Variants in PLPPR1 observed in about 807,000 individuals in gnomAD.
PLPPR1 encodes the protein phospholipid phosphatase related 1, also known as phospholipid phosphatase-related protein type 1.
Under a neutral mutation model 33.1 loss-of-function variants are expected in PLPPR1, and 10 were observed. That is an observed-to-expected ratio of 0.30 (90% CI 0.19 to 0.51). The LOEUF is 0.51. PLPPR1 is among the 20% of genes least tolerant of loss of function. The pLI is 0.97. For synonymous variants in PLPPR1, 151 were observed against 151.0 expected, an observed-to-expected ratio of 1.00 and a Z score of 0.00; for missense variants, 304 against 408.1, an observed-to-expected ratio of 0.74 and a Z score of 2.20.
intron 4 of PLPPR1, among the ~76,000 whole-genome samples, chr9:101,303,906 T>C (rs1004496917): frequency 9.8e-5 from 15 of 152,352 alleles, no homozygotes; most frequent in African/African-American, 3.4e-4. Flanking sequence ...TTCTAAGATA[T>C]GCATGTTTCA....
chr9:101,048,105 A>G (rs905071234), intron 1 of PLPPR1, among the ~76,000 whole-genome samples: 1 of 152,154 alleles, frequency 6.6e-6, no homozygotes, highest in African/African-American at 2.4e-5. Context: ...CATGTGCCAC[A>G]CTCAGGTACC....
Position 101,176,179 on chromosome 9 carries a change from C to A in PLPPR1, c.-45-9271C>A, listed in dbSNP as rs562424048. ...CAACTTTTAGATAATAACCTCTTGA[C>A]CCTAGTCAAACACCACAGAAAAAAC... On this transcript the variant is annotated intron_variant, in intron 1 of 7. Coordinates refer to ENST00000374874, the MANE Select transcript of PLPPR1 (RefSeq NM_207299.2). 4.8e-4 allele frequency among the ~76,000 whole-genome samples: 73 copies of A among 152,244 alleles called. 1 individual carries two copies. The highest frequency in any genetic ancestry group is 8.7e-4 in the Non-Finnish European group (59 of 68,012).
chr9:101,294,771 T>C (rs1389809711), intron 4 of PLPPR1, among the ~76,000 whole-genome samples: 10 of 152,060 alleles, frequency 6.6e-5, no homozygotes, highest in African/African-American at 9.7e-5. Flanking sequence ...CTAAAAACTC[T>C]CAATAAATTA....
chr9:101,242,904 A>G (rs1014540682), intron 2 of PLPPR1, among the ~76,000 whole-genome samples: 1 of 152,086 alleles, frequency 6.6e-6, no homozygotes, highest in African/African-American at 2.4e-5. Flanking sequence ...GTTCTCTGTC[A>G]TGTGCTATAA....
At chr9:101,240,029 G>A (rs1022467503) in intron 2 of PLPPR1, among the ~76,000 whole-genome samples, 14 of 151,950 alleles carry the variant, frequency 9.2e-5, no homozygotes, top group Non-Finnish European at 1.8e-4. Context: ...ATAGTTTCAG[G>A]TCTTACATTT....
At chr9:101,303,874 T>C (rs1828797924) in intron 4 of PLPPR1, among the ~76,000 whole-genome samples, 1 of 152,316 alleles carries the variant, frequency 6.6e-6, no homozygotes, top group African/African-American at 2.4e-5. Context: ...TTGTAATTTC[T>C]CAGAATCAGA....
chr9:101,276,387 C>T (rs1828197099), intron 3 of PLPPR1, among the ~76,000 whole-genome samples: 1 of 151,990 alleles, frequency 6.6e-6, no homozygotes, highest in Non-Finnish European at 1.5e-5. Context: ...CTGCAGATGA[C>T]TGCTCCAAAT....
intron 2 of PLPPR1, among the ~76,000 whole-genome samples, chr9:101,199,195 A>T (rs2118744081): frequency 6.6e-6 from 1 of 152,308 alleles, no homozygotes; most frequent in Non-Finnish European, 1.5e-5. Context: ...TAAAAATGTG[A>T]AAGGAACTCA....
At chr9:101,044,425 C>T (rs2118427854) in intron 1 of PLPPR1, among the ~76,000 whole-genome samples, 1 of 152,212 alleles carries the variant, frequency 6.6e-6, no homozygotes, top group Non-Finnish European at 1.5e-5. Flanking sequence ...GTCAAAAGTT[C>T]TGATTGTAAG....
At chr9:101,052,986 C>T (rs183756063) in intron 1 of PLPPR1, among the ~76,000 whole-genome samples, 2 of 152,270 alleles carry the variant, frequency 1.3e-5, no homozygotes, top group Admixed American at 6.5e-5. Flanking sequence ...AGTCTTTGAT[C>T]AGTCAGGTGA....
chr9:101,146,694 C>G (rs1175255046), intron 1 of PLPPR1, among the ~76,000 whole-genome samples: 1 of 152,206 alleles, frequency 6.6e-6, no homozygotes, highest in Non-Finnish European at 1.5e-5. Flanking sequence ...AAAATGTTCT[C>G]TGCCTCTAAT....
At chr9:101,129,097 C>T (rs7026834) in intron 1 of PLPPR1, among the ~76,000 whole-genome samples, 71,259 of 151,778 alleles carry the variant, frequency 0.47, 17,177 homozygotes, top group Non-Finnish European at 0.53. Flanking sequence ...GATTTTGAAC[C>T]ATATAGGGTA....
chr9:101,152,021 A>T (rs1831594741), intron 1 of PLPPR1, among the ~76,000 whole-genome samples: 1 of 152,206 alleles, frequency 6.6e-6, no homozygotes, highest in East Asian at 1.9e-4. Flanking sequence ...CCAACAGTGT[A>T]AAAGTGTTCC....
chr9:101,316,763 T>C (rs1564036952), intron 6 of PLPPR1, among the ~76,000 whole-genome samples: 1 of 152,048 alleles, frequency 6.6e-6, no homozygotes, highest in Admixed American at 6.5e-5. Context: ...CTCAAGCAAA[T>C]AGTCATAATC....
At chr9:101,271,763 G>T (rs908592893) in intron 3 of PLPPR1, among the ~76,000 whole-genome samples, 5 of 152,130 alleles carry the variant, frequency 3.3e-5, no homozygotes, top group African/African-American at 9.7e-5. Flanking sequence ...ATTCAGACAG[G>T]CATCCCTGAG....
intron 1 of PLPPR1, among the ~76,000 whole-genome samples, chr9:101,036,767 A>G (rs947321259): frequency 5.9e-5 from 9 of 152,024 alleles, no homozygotes; most frequent in African/African-American, 2.2e-4. Context: ...GAAAAGGATA[A>G]AAAGAAATAG....
At chr9:101,100,046 T>C (rs1314995625) in intron 1 of PLPPR1, among the ~76,000 whole-genome samples, 1 of 152,144 alleles carries the variant, frequency 6.6e-6, no homozygotes, top group African/African-American at 2.4e-5. Context: ...TTTCTTTCTT[T>C]CTTTTTCTGA....
intron 1 of PLPPR1, among the ~76,000 whole-genome samples, chr9:101,071,581 A>G (rs991639288): frequency 1.2e-4 from 18 of 149,200 alleles, no homozygotes; most frequent in African/African-American, 4.2e-4. Context: ...AGAAAAAATC[A>G]TGTGAGAGCA....
intron 1 of PLPPR1, among the ~76,000 whole-genome samples, chr9:101,128,462 A>G (rs1275450069): frequency 6.6e-6 from 1 of 152,210 alleles, no homozygotes; most frequent in Non-Finnish European, 1.5e-5. Context: ...AATCTATGGC[A>G]GGCAGTTTAC....
Sources: allele counts gnomAD v4.1 joint callset (sites outside exome capture counted in the v4.1 genomes callset), GRCh38; gene constraint gnomAD v4.1.1; transcripts MANE v1.5; gene names NCBI Gene and HGNC (gene_info 2026-07-23, HGNC 2026-07-21).